Variants in DNAH14 observed in about 807,000 individuals in gnomAD.
The protein encoded by DNAH14 is axonemal beta dynein heavy chain 14.
A neutral mutation model predicts 520.9 loss-of-function variants in DNAH14; 478 were observed. That is an observed-to-expected ratio of 0.92 (90% CI 0.85 to 0.99). DNAH14 has a LOEUF of 0.99. DNAH14 is among the 50% of genes least tolerant of loss of function. The probability of loss-of-function intolerance (pLI) is 0.00; values close to 1 mark genes in which losing one functional copy is unlikely to be tolerated. For synonymous variants in DNAH14, 1,581 were observed against 1,757.2 expected, an observed-to-expected ratio of 0.90 and a Z score of 2.51; for missense variants, 4,831 against 5,234.5, an observed-to-expected ratio of 0.92 and a Z score of 2.38.
intron 66 of DNAH14, among the ~76,000 whole-genome samples, chr1:225,335,170 T>C (rs557220084): frequency 1.4e-4 from 20 of 147,626 alleles, no homozygotes; most frequent in Admixed American, 4.0e-4. Flanking sequence ...TGTGTGCATG[T>C]GTACATGTGC....
At chr1:225,371,408 A>G (rs530519834) in intron 77 of DNAH14, among the ~76,000 whole-genome samples, 1 of 152,240 alleles carries the variant, frequency 6.6e-6, no homozygotes, top group African/African-American at 2.4e-5. Flanking sequence ...ACCTAAAGTA[A>G]TAGGATTAAA....
At chr1:224,941,565 T>G (rs2059421809) in intron 1 of DNAH14, among the ~76,000 whole-genome samples, 1 of 152,206 alleles carries the variant, frequency 6.6e-6, no homozygotes, top group Admixed American at 6.5e-5. Flanking sequence ...TGCCATCACT[T>G]TTGGTGTTTT....
At chr1:225,354,146 C>T in intron 73 of DNAH14, 1 of 703,270 alleles carries the variant, frequency 1.4e-6, no homozygotes. Context: ...ATAGCCCTGT[C>T]CCTTTTGGGA....
intron 76 of DNAH14, among the ~76,000 whole-genome samples, chr1:225,366,736 C>T (rs1449270540): frequency 6.6e-6 from 1 of 152,088 alleles, no homozygotes; most frequent in Non-Finnish European, 1.5e-5. Context: ...AGCCACTTAC[C>T]TTCTCAGGGT....
intron 10 of DNAH14, among the ~76,000 whole-genome samples, chr1:225,019,810 C>T (rs2065513794): frequency 6.6e-6 from 1 of 152,012 alleles, no homozygotes; most frequent in African/African-American, 2.4e-5. Context: ...TTATTTGAAA[C>T]TAATAACAGA....
At chr1:225,320,907 A>C (rs2094544793) in intron 61 of DNAH14, among the ~76,000 whole-genome samples, 1 of 152,218 alleles carries the variant, frequency 6.6e-6, no homozygotes, top group African/African-American at 2.4e-5. Flanking sequence ...CCTTTAATTT[A>C]AATTAAATTT....
chr1:224,930,357 C>T (rs1000896743), intron 1 of DNAH14, among the ~76,000 whole-genome samples: 2 of 152,084 alleles, frequency 1.3e-5, no homozygotes, highest in African/African-American at 2.4e-5. Flanking sequence ...GGATAGACTA[C>T]GCTAGGAAAT....
rs754984541 is a variant in DNAH14 at position 224,990,007 on chromosome 1, GTGT to G, written c.831-12768_831-12766del. On this transcript the variant is annotated intron_variant, in intron 8 of 85. Coordinates refer to ENST00000682510, the MANE Select transcript of DNAH14 (RefSeq NM_001367479.1). ...ATCTTTGCATGAGGAATGATGGTCT[GTGT>G]TGTTGTTTTTTTTTTAACTTTGCCT... Among the ~76,000 whole-genome samples, 162 of 148,344 alleles carry G rather than the reference GTGT, an allele frequency of 1.1e-3. 1 individual carries two copies. The highest frequency in any genetic ancestry group is 6.9e-3 in the Middle Eastern group (2 of 290).
At chr1:225,104,400 A>C (rs1161900692) in intron 23 of DNAH14, among the ~76,000 whole-genome samples, 1 of 152,246 alleles carries the variant, frequency 6.6e-6, no homozygotes, top group Non-Finnish European at 1.5e-5. Flanking sequence ...CTGGCTTCAT[A>C]AAATGAGTTA....
intron 27 of DNAH14, among the ~76,000 whole-genome samples, chr1:225,129,045 C>G (rs1440199830): frequency 6.6e-6 from 1 of 152,044 alleles, no homozygotes; most frequent in Non-Finnish European, 1.5e-5. Context: ...AGAGCCAAAT[C>G]ATGAGTGAAC....
At chr1:225,210,776 C>T (rs976659017) in intron 41 of DNAH14, among the ~76,000 whole-genome samples, 1 of 152,088 alleles carries the variant, frequency 6.6e-6, no homozygotes, top group African/African-American at 2.4e-5. Flanking sequence ...TGGTGGGTGC[C>T]CCTGTGGGAT....
At chr1:225,086,771 C>T (rs1323242449) in intron 21 of DNAH14, among the ~76,000 whole-genome samples, 1 of 151,876 alleles carries the variant, frequency 6.6e-6, no homozygotes, top group African/African-American at 2.4e-5. Flanking sequence ...AAAACACCCA[C>T]AATAGAAATT....
chr1:225,117,649 A>T (rs2076967178), intron 23 of DNAH14, 35 bp from the exon 24 acceptor site: 1 of 1,268,610 alleles, frequency 7.9e-7, no homozygotes, highest in South Asian at 1.3e-5. Flanking sequence ...AATTAAGCAT[A>T]TATTCTGAAT....
intron 38 of DNAH14, among the ~76,000 whole-genome samples, chr1:225,201,458 G>A (rs1333392086): frequency 1.3e-5 from 2 of 152,128 alleles, no homozygotes; most frequent in Non-Finnish European, 2.9e-5. Context: ...CATACTAACA[G>A]AGTTGGTTTT....
At chr1:225,102,694 A>T (rs1029437949) in intron 23 of DNAH14, among the ~76,000 whole-genome samples, 3 of 152,152 alleles carry the variant, frequency 2.0e-5, no homozygotes, top group Admixed American at 6.6e-5. Flanking sequence ...TCTTCTTTTG[A>T]GAAGTGTCTG....
At chr1:225,017,410 G>T (rs527241106) in intron 10 of DNAH14, among the ~76,000 whole-genome samples, 2 of 152,352 alleles carry the variant, frequency 1.3e-5, no homozygotes, top group South Asian at 4.1e-4. Flanking sequence ...GCTGTTGCCA[G>T]CAGCCACTGC....
intron 10 of DNAH14, among the ~76,000 whole-genome samples, chr1:225,012,584 C>A (rs1050948405): frequency 2.0e-5 from 3 of 152,198 alleles, no homozygotes; most frequent in Non-Finnish European, 2.9e-5. Flanking sequence ...CTCCCTGTCA[C>A]TTTCAGGTAC....
intron 55 of DNAH14, among the ~76,000 whole-genome samples, chr1:225,300,485 A>G (rs2094117925): frequency 2.0e-5 from 3 of 152,194 alleles, no homozygotes; most frequent in African/African-American, 7.2e-5. Flanking sequence ...TTGAGAGACC[A>G]AAGTGGGAAG....
intron 79 of DNAH14, among the ~76,000 whole-genome samples, chr1:225,378,648 C>T (rs142939448): frequency 0.03 from 4,621 of 152,018 alleles, 104 homozygotes; most frequent in Middle Eastern, 0.044. Flanking sequence ...TTTGGGAGGC[C>T]GAGGCGGGTG....
Sources: gnomAD v4.1 joint callset for allele counts (sites outside exome capture counted in the v4.1 genomes callset) on GRCh38, gnomAD v4.1.1 for gene constraint, MANE v1.5 for transcripts, NCBI Gene and HGNC (gene_info 2026-07-23, HGNC 2026-07-21) for gene names.